LINGO2: variants seen among roughly 807,000 people sequenced by gnomAD.
LINGO2 encodes leucine-rich repeat and immunoglobulin-like domain-containing nogo receptor-interacting protein 2.
A neutral mutation model predicts 30.6 loss-of-function variants in LINGO2; 14 were observed. That is an observed-to-expected ratio of 0.46 (90% CI 0.30 to 0.72). The LOEUF (loss-of-function observed/expected upper bound fraction) is 0.72. Ranked by LOEUF, LINGO2 falls within the 30% of genes least tolerant of loss-of-function variation. LINGO2 has a pLI of 0.07. For synonymous variants in LINGO2, 317 were observed against 288.5 expected (o/e 1.10, Z -1.00); for missense variants, 729 against 751.7 (o/e 0.97, Z 0.35).
intron 2 of LINGO2, among the ~76,000 whole-genome samples, chr9:28,464,220 A>G (rs1226040418): frequency 6.6e-6 from 1 of 152,172 alleles, no homozygotes; most frequent in Non-Finnish European, 1.5e-5. Context: ...CTACAGAGTG[A>G]TTGGCATAAA....
chr9:28,483,974 C>A (rs777405574), intron 1 of LINGO2, among the ~76,000 whole-genome samples: 1 of 152,026 alleles, frequency 6.6e-6, no homozygotes, highest in African/African-American at 2.4e-5. Context: ...ATTATGGTAA[C>A]TTAAGTAGAG....
At chr9:28,895,738 A>G in the LINGO2 span, among the ~76,000 whole-genome samples, 1 of 152,076 alleles carries the variant, frequency 6.6e-6, no homozygotes, top group African/African-American at 2.4e-5. Context: ...GGGATGTCAC[A>G]GGAGGGAGAA....
At chr9:28,323,268 G>T (rs111383891) in intron 3 of LINGO2, among the ~76,000 whole-genome samples, 1 of 152,288 alleles carries the variant, frequency 6.6e-6, no homozygotes, top group African/African-American at 2.4e-5. Flanking sequence ...GGCAAATTCT[G>T]TGCCTTTTGA....
chr9:28,993,381 A>G, the LINGO2 span, among the ~76,000 whole-genome samples: 1 of 152,234 alleles, frequency 6.6e-6, no homozygotes, highest in Non-Finnish European at 1.5e-5. Context: ...TCAATAGCTT[A>G]CCATCCAAAA....
the LINGO2 span, among the ~76,000 whole-genome samples, chr9:28,782,012 T>A: frequency 6.6e-6 from 1 of 152,194 alleles, no homozygotes; most frequent in African/African-American, 2.4e-5. Context: ...ATATTTTAGT[T>A]TTTTGAATGT....
At chr9:28,770,427 T>G in the LINGO2 span, among the ~76,000 whole-genome samples, 4 of 152,184 alleles carry the variant, frequency 2.6e-5, no homozygotes, top group South Asian at 4.1e-4. Context: ...GTTTCTGGTA[T>G]TTTATTCTCA....
chr9:28,555,079 TAAAA>T (rs1197029782), intron 1 of LINGO2, among the ~76,000 whole-genome samples: 1 of 135,218 alleles, frequency 7.4e-6, no homozygotes, highest in African/African-American at 3.2e-5. Flanking sequence ...ACATCACAAT[TAAAA>T]GAACTAGAAA....
chr9:28,647,893 C>CTTTTTTTT (rs5897315), intron 1 of LINGO2, among the ~76,000 whole-genome samples: 6 of 130,204 alleles, frequency 4.6e-5, no homozygotes, highest in Non-Finnish European at 8.3e-5. Context: ...TTCTTTCTTT[C>CTTTTTTTT]TTTTTTTTTT....
At chr9:28,146,286 G>C (rs978132690) in intron 4 of LINGO2, among the ~76,000 whole-genome samples, 1 of 152,148 alleles carries the variant, frequency 6.6e-6, no homozygotes, top group Non-Finnish European at 1.5e-5. Flanking sequence ...CTGCTTTCAT[G>C]CTGTGTCAGA....
intron 1 of LINGO2, among the ~76,000 whole-genome samples, chr9:28,626,239 T>G (rs1826668866): frequency 6.6e-6 from 1 of 152,160 alleles, no homozygotes; most frequent in Non-Finnish European, 1.5e-5. Context: ...AATATCCAAA[T>G]ATTTTACACA....
At chr9:29,123,563 T>C in the LINGO2 span, among the ~76,000 whole-genome samples, 3 of 151,994 alleles carry the variant, frequency 2.0e-5, no homozygotes, top group Admixed American at 6.6e-5. Context: ...AGTGAAGAGA[T>C]AAACAAGACT....
At chr9:28,971,110 G>A in the LINGO2 span, among the ~76,000 whole-genome samples, 4 of 152,232 alleles carry the variant, frequency 2.6e-5, no homozygotes, top group Middle Eastern at 6.8e-3. Flanking sequence ...GTTCCTGGAC[G>A]ATATTTCCAG....
intron 4 of LINGO2, among the ~76,000 whole-genome samples, chr9:28,040,002 C>G (rs1824124300): frequency 6.6e-6 from 1 of 152,164 alleles, no homozygotes; most frequent in African/African-American, 2.4e-5. Context: ...ATGTGCCAAG[C>G]TTGAGTCCAT....
At chr9:29,183,895 C>CTT in the LINGO2 span, among the ~76,000 whole-genome samples, 39 of 147,036 alleles carry the variant, frequency 2.7e-4, no homozygotes, top group East Asian at 1.4e-3. Context: ...CTACCTGTTT[C>CTT]TTTTTTTTTT....
intron 1 of LINGO2, among the ~76,000 whole-genome samples, chr9:28,650,476 A>G (rs1828045962): frequency 6.6e-6 from 1 of 152,162 alleles, no homozygotes; most frequent in African/African-American, 2.4e-5. Flanking sequence ...CCAAAGCTAA[A>G]TGAAATCCCC....
chr9:28,995,223 A>G, the LINGO2 span, among the ~76,000 whole-genome samples: 1 of 152,254 alleles, frequency 6.6e-6, no homozygotes, highest in Non-Finnish European at 1.5e-5. Flanking sequence ...ATGAACAGAC[A>G]CTTCTCAAAA....
chr9:28,570,825 T>C (rs556655437), intron 1 of LINGO2, among the ~76,000 whole-genome samples: 3 of 152,110 alleles, frequency 2.0e-5, no homozygotes, highest in African/African-American at 7.2e-5. Flanking sequence ...TTCTCTATTG[T>C]GCTATTTCTC....
At chr9:28,588,986 C>G (rs1277332848) in intron 1 of LINGO2, among the ~76,000 whole-genome samples, 1 of 152,102 alleles carries the variant, frequency 6.6e-6, no homozygotes, top group Non-Finnish European at 1.5e-5. Flanking sequence ...CTATGCAAGG[C>G]TGGTTCAACA....
At chr9:28,631,614 T>A (rs1434253066) in intron 1 of LINGO2, among the ~76,000 whole-genome samples, 5 of 152,084 alleles carry the variant, frequency 3.3e-5, no homozygotes, top group Non-Finnish European at 7.4e-5. Context: ...TTGGGGAAAG[T>A]GTATGAAACT....
Sources: gnomAD v4.1 joint callset for allele counts (sites outside exome capture counted in the v4.1 genomes callset) on GRCh38, gnomAD v4.1.1 for gene constraint, MANE v1.5 for transcripts, NCBI Gene and HGNC (gene_info 2026-07-23, HGNC 2026-07-21) for gene names.